The following LRMDA variants were observed in gnomAD, a reference collection of about 807,000 sequenced individuals.
LRMDA encodes the protein leucine rich melanocyte differentiation associated.
In LRMDA, 18 loss-of-function variants were observed where a neutral mutation model predicts 29.8. That is an observed-to-expected ratio of 0.60 (90% confidence interval 0.42 to 0.90). The LOEUF (loss-of-function observed/expected upper bound fraction) is 0.90. Ranked by LOEUF, LRMDA falls within the 40% of genes least tolerant of loss-of-function variation. LRMDA has a pLI of 0.00. For missense variants in LRMDA, 273 were observed against 273.9 expected, an observed-to-expected ratio of 1.00 and a Z score of 0.02; for synonymous variants, 125 against 109.4, an observed-to-expected ratio of 1.14 and a Z score of -0.89.
intron 5 of LRMDA, among the ~76,000 whole-genome samples, chr10:76,124,945 C>T (rs61862713): frequency 2.6e-5 from 4 of 152,350 alleles, no homozygotes; most frequent in Non-Finnish European, 5.9e-5. Flanking sequence ...GGGGGCCATA[C>T]TGTCAGTAGA....
chr10:76,050,523 C>A (rs983067273), intron 4 of LRMDA, among the ~76,000 whole-genome samples: 4 of 152,180 alleles, frequency 2.6e-5, no homozygotes, highest in African/African-American at 9.7e-5. Flanking sequence ...GTCCATGGCC[C>A]TGTTATTATA....
At chr10:75,953,917 C>T (rs1846620799) in intron 2 of LRMDA, among the ~76,000 whole-genome samples, 1 of 151,956 alleles carries the variant, frequency 6.6e-6, no homozygotes, top group Admixed American at 6.6e-5. Context: ...CCAGGTGGGC[C>T]GAATCTAATC....
intron 4 of LRMDA, among the ~76,000 whole-genome samples, chr10:76,051,218 TC>T (rs1183446812): frequency 1.3e-5 from 2 of 152,224 alleles, no homozygotes; most frequent in South Asian, 4.1e-4. Flanking sequence ...GTGAGCATTC[TC>T]CAGCTAATCT....
chr10:76,243,118 G>A (rs1047261199), intron 5 of LRMDA, among the ~76,000 whole-genome samples: 1 of 152,152 alleles, frequency 6.6e-6, no homozygotes, highest in Non-Finnish European at 1.5e-5. Flanking sequence ...GCTCATGCTG[G>A]CAGGCACCCA....
intron 6 of LRMDA, among the ~76,000 whole-genome samples, chr10:76,540,673 G>T (rs1843344096): frequency 6.6e-6 from 1 of 152,140 alleles, no homozygotes; most frequent in Non-Finnish European, 1.5e-5. Context: ...GAAATAGCAG[G>T]ATTCACTAAA....
chr10:75,595,068 T>C (rs1392765631), intron 2 of LRMDA, among the ~76,000 whole-genome samples: 2 of 152,246 alleles, frequency 1.3e-5, no homozygotes, highest in Admixed American at 6.5e-5. Context: ...TTTTGGCTTA[T>C]GCTTTATCAA....
At chr10:75,799,165 T>G (rs1325414498) in intron 2 of LRMDA, among the ~76,000 whole-genome samples, 1 of 152,376 alleles carries the variant, frequency 6.6e-6, no homozygotes, top group East Asian at 1.9e-4. Context: ...ATGTTTATTC[T>G]TTAACCACAA....
chr10:75,772,858 G>A (rs1408197693), intron 2 of LRMDA, among the ~76,000 whole-genome samples: 3 of 118,196 alleles, frequency 2.5e-5, no homozygotes, highest in African/African-American at 8.4e-5. Flanking sequence ...TATTTTTTGG[G>A]GGGGGTGGGA....
At chr10:76,086,816 T>C (rs1849143646) in intron 5 of LRMDA, among the ~76,000 whole-genome samples, 3 of 152,162 alleles carry the variant, frequency 2.0e-5, no homozygotes, top group Non-Finnish European at 4.4e-5. Flanking sequence ...AGGCACATTC[T>C]AGAACTGCAG....
At chr10:75,661,906 G>A (rs932816485) in intron 2 of LRMDA, among the ~76,000 whole-genome samples, 1 of 152,154 alleles carries the variant, frequency 6.6e-6, no homozygotes, top group African/African-American at 2.4e-5. Context: ...TGAGGCTTGG[G>A]TTTCATAAGG....
chr10:76,484,548 T>G (rs2132329576), intron 6 of LRMDA, among the ~76,000 whole-genome samples: 1 of 152,020 alleles, frequency 6.6e-6, no homozygotes, highest in African/African-American at 2.4e-5. Flanking sequence ...TACTTCAATA[T>G]TTTTGAGCCA....
chr10:76,317,164 C>T (rs1840710240), intron 5 of LRMDA, among the ~76,000 whole-genome samples: 1 of 152,080 alleles, frequency 6.6e-6, no homozygotes, highest in African/African-American at 2.4e-5. Context: ...GGTTTCTAAT[C>T]ACACTCTGGA....
rs192338931 is a variant in LRMDA at position 76,105,787 on chromosome 10, C to G, written c.516+47004C>G. Reference sequence around the variant, plus strand: ...TTTTTGAGATAGTCTTGCTCTGTTGCCCAGGCTGGAGTGCAGCGGCATGAT... The same window carrying G: ...TTTTTGAGATAGTCTTGCTCTGTTGGCCAGGCTGGAGTGCAGCGGCATGAT... On this transcript the variant is annotated intron_variant, in intron 5 of 6. Coordinates refer to ENST00000611255, the MANE Select transcript of LRMDA (RefSeq NM_001305581.2). Among the ~76,000 whole-genome samples the G allele has an allele frequency of 8.5e-5, 13 of 152,286 alleles. No homozygotes were observed. In the East Asian group the frequency reaches 2.3e-3, roughly 27 times the overall value.
At chr10:75,924,873 A>G (rs1846092542) in intron 2 of LRMDA, among the ~76,000 whole-genome samples, 1 of 152,128 alleles carries the variant, frequency 6.6e-6, no homozygotes, top group East Asian at 1.9e-4. Context: ...GGGCCAACAA[A>G]TTAAATTTGA....
rs185972641 is a variant in LRMDA, at chr10:75,905,751, T to C, written c.132-130257T>C. On this transcript the variant is annotated intron_variant, in intron 2 of 6. Coordinates refer to ENST00000611255, the MANE Select transcript of LRMDA (RefSeq NM_001305581.2). ...TCTGCTTTCGTTAACCTGGCTGATG[T>C]ATGTCCCTATGTTCTTGGCCATGCA... Among the ~76,000 whole-genome samples the C allele has an allele frequency of 2.6e-5, 4 of 152,220 alleles. No individual in the cohort carries two copies. In the East Asian group the frequency reaches 7.7e-4, roughly 29 times the overall value.
intron 5 of LRMDA, among the ~76,000 whole-genome samples, chr10:76,222,918 A>G (rs1453768073): frequency 6.6e-6 from 1 of 152,178 alleles, no homozygotes. Context: ...CATATACACC[A>G]TGGAATACTA....
At chr10:76,383,512 G>A (rs1841620545) in intron 6 of LRMDA, among the ~76,000 whole-genome samples, 1 of 138,992 alleles carries the variant, frequency 7.2e-6, no homozygotes, top group Admixed American at 7.8e-5. Context: ...CTCACTGCAA[G>A]CTCCGCTTCC....
chr10:75,787,487 C>T (rs546755222), intron 2 of LRMDA, among the ~76,000 whole-genome samples: 21 of 152,270 alleles, frequency 1.4e-4, no homozygotes, highest in Non-Finnish European at 2.5e-4. Flanking sequence ...CTGTCCCTTT[C>T]ATTGTCAGGA....
At chr10:75,818,913 T>C (rs1844109159) in intron 2 of LRMDA, among the ~76,000 whole-genome samples, 1 of 152,202 alleles carries the variant, frequency 6.6e-6, no homozygotes, top group African/African-American at 2.4e-5. Flanking sequence ...TAGTTTGGCT[T>C]CCCCAACTTC....
Sources: allele counts gnomAD v4.1 joint callset (sites outside exome capture counted in the v4.1 genomes callset), GRCh38; gene constraint gnomAD v4.1.1; transcripts MANE v1.5; gene names NCBI Gene and HGNC (gene_info 2026-07-23, HGNC 2026-07-21).